Variants in GALNTL6 observed in about 807,000 individuals in gnomAD.
GALNTL6 encodes the protein polypeptide N-acetylgalactosaminyltransferase like 6, also known as polypeptide N-acetylgalactosaminyltransferase-like 6.
A neutral mutation model predicts 73.7 loss-of-function variants in GALNTL6; 46 were observed. The observed-to-expected ratio is 0.62, with a 90% confidence interval of 0.49 to 0.80. The LOEUF (loss-of-function observed/expected upper bound fraction) is 0.80. Ranked by LOEUF, GALNTL6 falls within the 30% of genes least tolerant of loss-of-function variation. The pLI is 0.00. For missense variants in GALNTL6, 604 were observed against 755.0 expected (o/e 0.80, Z 2.34); for synonymous variants, 259 against 263.7 (o/e 0.98, Z 0.17).
chr4:172,121,988 C>T (rs919730904), intron 2 of GALNTL6, among the ~76,000 whole-genome samples: 10 of 150,690 alleles, frequency 6.6e-5, no homozygotes, highest in African/African-American at 2.2e-4. Flanking sequence ...GGCCTATTTT[C>T]TTACTTTTTT....
chr4:171,918,961 A>G (rs1325306708), intron 2 of GALNTL6, among the ~76,000 whole-genome samples: 1 of 152,130 alleles, frequency 6.6e-6, no homozygotes, highest in Non-Finnish European at 1.5e-5. Context: ...ACAGAGTAGA[A>G]TAGTAGTACC....
chr4:172,941,055 A>G (rs1285159621), intron 9 of GALNTL6, among the ~76,000 whole-genome samples: 1 of 152,218 alleles, frequency 6.6e-6, no homozygotes, highest in African/African-American at 2.4e-5. Flanking sequence ...CACAGATGTT[A>G]TATTCTTCCC....
chr4:172,145,313 T>A (rs1447882737), intron 2 of GALNTL6, among the ~76,000 whole-genome samples: 4 of 152,110 alleles, frequency 2.6e-5, no homozygotes, highest in Non-Finnish European at 4.4e-5. Flanking sequence ...CTAATTTTTT[T>A]GTATTTTTAG....
chr4:172,235,687 T>C (rs1192776954), intron 3 of GALNTL6, among the ~76,000 whole-genome samples: 1 of 152,140 alleles, frequency 6.6e-6, no homozygotes, highest in African/African-American at 2.4e-5. Context: ...GCAGGTTTGT[T>C]ATGAGGGTAT....
chr4:171,833,249 GTGT>G, intron 2 of GALNTL6, among the ~76,000 whole-genome samples: 1 of 151,534 alleles, frequency 6.6e-6, no homozygotes, highest in South Asian at 2.1e-4. Context: ...CTATTGACTG[GTGT>G]TTAATATTTT....
At chr4:172,891,202 C>A (rs1391139471) in intron 8 of GALNTL6, among the ~76,000 whole-genome samples, 1 of 151,566 alleles carries the variant, frequency 6.6e-6, no homozygotes, top group Admixed American at 6.6e-5. Flanking sequence ...TTGATTCTGT[C>A]ATGGTGTCAA....
At chr4:172,819,440 A>G (rs1195415051) in intron 7 of GALNTL6, among the ~76,000 whole-genome samples, 2 of 152,240 alleles carry the variant, frequency 1.3e-5, no homozygotes, top group Admixed American at 6.5e-5. Flanking sequence ...AGAAAAAACC[A>G]TAGAGACAAT....
chr4:172,247,946 A>G (rs1286456686), intron 3 of GALNTL6, among the ~76,000 whole-genome samples: 1 of 152,228 alleles, frequency 6.6e-6, no homozygotes. Flanking sequence ...TGTGTGAAAA[A>G]TACCACTTTT....
intron 5 of GALNTL6, among the ~76,000 whole-genome samples, chr4:172,367,410 CTT>C (rs1259848510): frequency 1.3e-5 from 2 of 152,074 alleles, no homozygotes; most frequent in Non-Finnish European, 2.9e-5. Flanking sequence ...CTCAGGCATA[CTT>C]TTGATACATT....
chr4:171,888,603 C>G lies in GALNTL6; in HGVS notation c.138+73885C>G, dbSNP rs551540311. Among the ~76,000 whole-genome samples the G allele has an allele frequency of 4.6e-5, 7 of 152,098 alleles. No individual in the cohort carries two copies. In the South Asian group the frequency reaches 1.5e-3, roughly 32 times the overall value. Reference sequence around the variant, plus strand: ...CAGATGTAAAGGAAATACCAATTGGCAAAATCTAAACAAGCCCTACCCACA... The same window carrying G: ...CAGATGTAAAGGAAATACCAATTGGGAAAATCTAAACAAGCCCTACCCACA... On this transcript the variant is annotated intron_variant, in intron 2 of 12. Coordinates refer to ENST00000506823, the MANE Select transcript of GALNTL6 (RefSeq NM_001034845.3).
At chr4:171,828,548 C>T (rs1035045078) in intron 2 of GALNTL6, among the ~76,000 whole-genome samples, 11 of 152,156 alleles carry the variant, frequency 7.2e-5, no homozygotes, top group African/African-American at 2.4e-4. Context: ...TATAAACAAA[C>T]GAAACAAACT....
intron 2 of GALNTL6, among the ~76,000 whole-genome samples, chr4:172,075,464 A>T (rs1731673714): frequency 6.6e-6 from 1 of 152,016 alleles, no homozygotes; most frequent in South Asian, 2.1e-4. Flanking sequence ...CCTCCCGAGT[A>T]GCTGGGACTA....
intron 5 of GALNTL6, among the ~76,000 whole-genome samples, chr4:172,646,577 G>A (rs1740252781): frequency 6.6e-6 from 1 of 151,812 alleles, no homozygotes; most frequent in South Asian, 2.1e-4. Flanking sequence ...GTACTACATA[G>A]TCTGTATATT....
At chr4:171,956,542 C>A (rs148391012) in intron 2 of GALNTL6, among the ~76,000 whole-genome samples, 117 of 152,066 alleles carry the variant, frequency 7.7e-4, no homozygotes, top group African/African-American at 2.7e-3. Context: ...TCATTTTTGG[C>A]TTTTTAAATT....
chr4:172,684,122 C>T (rs538287700), intron 5 of GALNTL6, among the ~76,000 whole-genome samples: 34 of 152,196 alleles, frequency 2.2e-4, no homozygotes, highest in Admixed American at 5.2e-4. Flanking sequence ...TTAGCTATCT[C>T]AATGGCTTAA....
intron 5 of GALNTL6, among the ~76,000 whole-genome samples, chr4:172,445,775 G>A (rs1190855630): frequency 6.6e-6 from 1 of 152,058 alleles, no homozygotes; most frequent in African/African-American, 2.4e-5. Flanking sequence ...GTATGAGTGT[G>A]TTTTCTCTCT....
At chr4:171,897,080 A>G (rs1260628936) in intron 2 of GALNTL6, among the ~76,000 whole-genome samples, 4 of 152,110 alleles carry the variant, frequency 2.6e-5, no homozygotes, top group Non-Finnish European at 5.9e-5. Context: ...TTTTATCTAA[A>G]TAAATCAGAA....
At chr4:172,154,609 G>C (rs1734199701) in intron 2 of GALNTL6, among the ~76,000 whole-genome samples, 1 of 152,140 alleles carries the variant, frequency 6.6e-6, no homozygotes, top group East Asian at 1.9e-4. Context: ...CTTCTCAAAA[G>C]GAAATTTTCT....
intron 5 of GALNTL6, among the ~76,000 whole-genome samples, chr4:172,561,254 C>T (rs113255295): frequency 1.1e-5 from 1 of 94,288 alleles, no homozygotes; most frequent in East Asian, 4.3e-4. Context: ...AGAGAGACTC[C>T]GTCTCAAAAA....
Sources: allele counts gnomAD v4.1 joint callset (sites outside exome capture counted in the v4.1 genomes callset), GRCh38; gene constraint gnomAD v4.1.1; transcripts MANE v1.5; gene names NCBI Gene and HGNC (gene_info 2026-07-23, HGNC 2026-07-21).